The following KCNN3 variants were observed in gnomAD, a reference collection of about 807,000 sequenced individuals.
The protein encoded by KCNN3 is small conductance calcium-activated potassium channel protein 3.
KCNN3 carries 16 observed loss-of-function variants against 62.9 expected under a neutral mutation model. The ratio of observed to expected loss-of-function variants is 0.25; its 90% CI spans 0.17 to 0.39. The LOEUF (loss-of-function observed/expected upper bound fraction) is 0.39, where lower values mean the gene tolerates loss of function less well. KCNN3 is among the 10% of genes least tolerant of loss of function. The pLI is 1.00. For missense variants in KCNN3, 599 were observed against 949.4 expected (o/e 0.63, Z 4.85); for synonymous variants, 370 against 389.2 (o/e 0.95, Z 0.58).
chr1:154,766,416 TTATATATATA>T lies in KCNN3; in HGVS notation c.1448+5549_1448+5558del, dbSNP rs373253800. Among the ~76,000 whole-genome samples, 31 of 71,804 alleles carry T rather than the reference TTATATATATA, an allele frequency of 4.3e-4. 3 individuals are homozygous for T. The highest frequency in any genetic ancestry group is 1.5e-3 in the African/African-American group (30 of 19,738). The allele number at this position is 71,804 out of a possible 152,430, so 47.1% of individuals were successfully genotyped here. On this transcript the variant is annotated intron_variant, in intron 3 of 7. Transcript: ENST00000271915. ...CCATTTATTAAATACTAGCCAGGCT[TTATATATATA>T]TATATATATATATATATGTAGAAGT... is the stretch of plus-strand genomic sequence containing the variant.
intron 1 of KCNN3, among the ~76,000 whole-genome samples, chr1:154,838,863 C>A (rs1428607300): frequency 6.6e-5 from 10 of 152,164 alleles, no homozygotes; most frequent in Non-Finnish European, 1.5e-4. Flanking sequence ...GTGAGAAAAA[C>A]TCCATTAATG....
intron 1 of KCNN3, among the ~76,000 whole-genome samples, chr1:154,863,017 G>T (rs1416758740): frequency 6.6e-6 from 1 of 152,150 alleles, no homozygotes; most frequent in East Asian, 1.9e-4. Context: ...CGGTGAGCAC[G>T]ACCTGCTCCT....
At chr1:154,867,295 G>T (rs1222727928) in intron 1 of KCNN3, among the ~76,000 whole-genome samples, 3 of 152,210 alleles carry the variant, frequency 2.0e-5, no homozygotes, top group Non-Finnish European at 4.4e-5. Context: ...GCTCATTACA[G>T]GGAATGACTA....
At chr1:154,726,225 G>T (rs1475260138) in intron 4 of KCNN3, among the ~76,000 whole-genome samples, 199 bp from the exon 5 acceptor site, 1 of 152,210 alleles carries the variant, frequency 6.6e-6, no homozygotes, top group African/African-American at 2.4e-5. Flanking sequence ...CCACAGAGGG[G>T]TCTGCAGTGC....
At chr1:154,829,845 C>T (rs6668261) in intron 1 of KCNN3, among the ~76,000 whole-genome samples, 13,770 of 152,172 alleles carry the variant, frequency 0.09, 993 homozygotes, top group African/African-American at 0.2. Context: ...ACACCCTTCC[C>T]GAGGCTGGCC....
chr1:154,741,228 C>A (rs1222128150), intron 3 of KCNN3, among the ~76,000 whole-genome samples: 1 of 152,226 alleles, frequency 6.6e-6, no homozygotes, highest in African/African-American at 2.4e-5. Flanking sequence ...TACTAGCTTT[C>A]AATGCTCCCT....
intron 3 of KCNN3, among the ~76,000 whole-genome samples, chr1:154,753,672 C>T (rs567635390): frequency 5.9e-5 from 9 of 152,310 alleles, no homozygotes; most frequent in Middle Eastern, 3.4e-3. Flanking sequence ...AAATAGGGAC[C>T]GTGGGTTCCC....
chr1:154,838,515 G>A (rs1651695539), intron 1 of KCNN3, among the ~76,000 whole-genome samples: 1 of 152,184 alleles, frequency 6.6e-6, no homozygotes, highest in South Asian at 2.1e-4. Context: ...TAGCCATACC[G>A]AGTTGCTCAC....
intron 5 of KCNN3, among the ~76,000 whole-genome samples, chr1:154,715,274 A>G (rs920544999): frequency 8.6e-5 from 13 of 151,930 alleles, no homozygotes; most frequent in African/African-American, 2.2e-4. Context: ...CCGTCTCTAC[A>G]AAAAATACAA....
rs1164150932 is a variant in KCNN3 at position 154,870,100 on chromosome 1, C to CT, written c.-137dup. The CT allele has an allele frequency of 2.8e-6, 3 of 1,055,788 alleles. No homozygotes were observed. The highest frequency in any genetic ancestry group is 4.3e-6 in the Non-Finnish European group (3 of 696,108). 65.4% of individuals were successfully genotyped at this position (1,055,788 alleles called of 1,614,324 possible). On this transcript the variant is annotated 5_prime_UTR_variant, in exon 1 of 8. Transcript: ENST00000271915. Reference sequence around the variant, plus strand: ...TGGCTCCAGTCCTCTCTTTGGCTTGCTTCGGTTCTCTGGGGCTGCCTGGAG... The same window carrying CT: ...TGGCTCCAGTCCTCTCTTTGGCTTGCTTTCGGTTCTCTGGGGCTGCCTGGAG...
chr1:154,712,866 G>A (rs1265658388), intron 7 of KCNN3, among the ~76,000 whole-genome samples: 4 of 152,118 alleles, frequency 2.6e-5, no homozygotes, highest in African/African-American at 7.2e-5. Context: ...GAGTGATGGC[G>A]AGCCTTACAC....
intron 1 of KCNN3, among the ~76,000 whole-genome samples, chr1:154,830,458 C>T (rs1172970184): frequency 6.6e-6 from 1 of 152,242 alleles, no homozygotes; most frequent in Admixed American, 6.5e-5. Flanking sequence ...TCTGAAGAAG[C>T]CCCCAGTTGT....
chr1:154,755,562 GAA>G (rs1341627550), intron 3 of KCNN3, among the ~76,000 whole-genome samples: 1 of 112,588 alleles, frequency 8.9e-6, no homozygotes, highest in Non-Finnish European at 1.7e-5. Flanking sequence ...AAGAAAGAAA[GAA>G]AGAGAGAGAG....
At chr1:154,737,655 C>G in intron 3 of KCNN3, among the ~76,000 whole-genome samples, 1 of 151,942 alleles carries the variant, frequency 6.6e-6, no homozygotes, top group Admixed American at 6.5e-5. Flanking sequence ...ACTGGACCCA[C>G]GAGACAAGAA....
intron 2 of KCNN3, among the ~76,000 whole-genome samples, chr1:154,791,654 C>A (rs1342206143): frequency 1.3e-5 from 2 of 152,186 alleles, no homozygotes; most frequent in Non-Finnish European, 2.9e-5. Flanking sequence ...GAACGAAAGG[C>A]CCCGATGTTA....
intron 5 of KCNN3, among the ~76,000 whole-genome samples, chr1:154,718,569 A>G (rs939395606): frequency 3.3e-5 from 5 of 152,360 alleles, no homozygotes; most frequent in Admixed American, 6.5e-5. Flanking sequence ...CATACATTTG[A>G]GGAACAATTA....
chr1:154,750,630 T>A (rs1451196432), intron 3 of KCNN3, among the ~76,000 whole-genome samples: 1 of 151,960 alleles, frequency 6.6e-6, no homozygotes, highest in Non-Finnish European at 1.5e-5. Flanking sequence ...TCTCAGAGAA[T>A]GTTTTCTTAC....
intron 3 of KCNN3, among the ~76,000 whole-genome samples, chr1:154,744,208 C>G (rs1372871761): frequency 7.9e-6 from 1 of 126,488 alleles, no homozygotes; most frequent in East Asian, 2.5e-4. Context: ...CCCTAGTACT[C>G]AATAAATACT....
Position 154,733,081 on chromosome 1 carries a change from TGTGATG to T in KCNN3, c.1506_1511del (p.Ile503_Thr504del). 6.2e-7 allele frequency: 1 copy of T among 1,614,046 alleles called. No individual in the cohort carries two copies. The highest frequency in any genetic ancestry group is 2.2e-5 in the East Asian group (1 of 44,874). On this transcript the variant is annotated inframe_deletion, in exon 4 of 8. Coordinates refer to ENST00000271915, the MANE Select transcript of KCNN3 (RefSeq NM_002249.6). ...TGTCCCCATAACCAATGGAAAGGAA[TGTGATG>T]GAGATGAGCCACATGGCACCCAGAA...
Sources: allele counts gnomAD v4.1 joint callset (sites outside exome capture counted in the v4.1 genomes callset), GRCh38; gene constraint gnomAD v4.1.1; transcripts MANE v1.5; gene names NCBI Gene and HGNC (gene_info 2026-07-23, HGNC 2026-07-21).